The following DENND4C variants were observed in gnomAD, a reference collection of about 807,000 sequenced individuals.
The protein encoded by DENND4C is DENN domain-containing protein 4C.
Under a neutral mutation model 203.0 loss-of-function variants are expected in DENND4C, and 108 were observed. That is an observed-to-expected ratio of 0.53 (90% CI 0.46 to 0.62). The LOEUF (loss-of-function observed/expected upper bound fraction) is 0.62, where lower values mean the gene tolerates loss of function less well. Among genes scored for constraint, DENND4C ranks in the 20% least tolerant of loss-of-function variants. The pLI is 0.00. For synonymous variants in DENND4C, 871 were observed against 792.4 expected (o/e 1.10, Z -1.67); for missense variants, 2,481 against 2,301.2 (o/e 1.08, Z -1.60).
At chr9:19,255,013 G>C (rs57247813) in intron 1 of DENND4C, among the ~76,000 whole-genome samples, 1 of 151,884 alleles carries the variant, frequency 6.6e-6, no homozygotes, top group Admixed American at 6.6e-5. Context: ...GTGGAGGGGG[G>C]GCCGCCTGTA....
In DENND4C at chr9:19,321,469, GT is replaced by G. The variant is rs564732221; in HGVS notation, c.1808-2882del. Among the ~76,000 whole-genome samples the G allele has an allele frequency of 1.5e-3, 222 of 145,356 alleles. 1 individual carries two copies. The highest frequency in any genetic ancestry group is 4.9e-3 in the African/African-American group (193 of 39,770). ...AAAAAAGGGAAGGAGCAGATCGAAG[GT>G]TTTTTTTTTTGTTTTGTTTTGTTTT... On this transcript the variant is annotated intron_variant, in intron 12 of 32. Coordinates refer to ENST00000434457, the MANE Select transcript of DENND4C (RefSeq NM_001330640.2).
intron 10 of DENND4C, among the ~76,000 whole-genome samples, chr9:19,308,842 T>G (rs1007286874): frequency 1.3e-5 from 2 of 152,244 alleles, no homozygotes; most frequent in Non-Finnish European, 2.9e-5. Context: ...TTTCTACATT[T>G]GTATAAATAT....
At chr9:19,336,547 T>G in intron 19 of DENND4C, 133 bp downstream of exon 19, 1 of 1,432,842 alleles carries the variant, frequency 7.0e-7, no homozygotes, top group Non-Finnish European at 9.2e-7. Flanking sequence ...ACAGATTGTC[T>G]TAGTCCAAAA....
intron 1 of DENND4C, among the ~76,000 whole-genome samples, chr9:19,249,857 TTTG>T (rs1826131445): frequency 6.6e-6 from 1 of 151,592 alleles, no homozygotes; most frequent in Admixed American, 6.6e-5. Flanking sequence ...TAGGTCTCAC[TTTG>T]TTGCCCAGGC....
At position 19,313,296 on chromosome 9, in the gene DENND4C, A is replaced by AT. The variant is rs142201293; in HGVS notation, c.1488-3117dup. On this transcript the variant is annotated intron_variant, in intron 10 of 32. Transcript: ENST00000434457. Reference sequence around the variant, plus strand: ...ACTCTAATTGGTACAAAAACAATGAATTTTACAATTGATGGCCCCTTAGAT... The same window carrying AT: ...ACTCTAATTGGTACAAAAACAATGAATTTTTACAATTGATGGCCCCTTAGAT... Among the ~76,000 whole-genome samples the AT allele has an allele frequency of 7.9e-3, 1,205 of 152,276 alleles. 11 individuals are homozygous for AT. The highest frequency in any genetic ancestry group is 0.025 in the African/African-American group (1,049 of 41,558).
chr9:19,312,128 G>A (rs979814854), intron 10 of DENND4C, among the ~76,000 whole-genome samples: 2 of 152,162 alleles, frequency 1.3e-5, no homozygotes, highest in Non-Finnish European at 2.9e-5. Flanking sequence ...TTTTGAGACA[G>A]AGTCTTGCTC....
Position 19,352,158 on chromosome 9 carries a change from C to T in DENND4C, c.4581C>T (p.Ser1527=). 3 of 1,613,804 alleles carry T rather than the reference C, an allele frequency of 1.9e-6. No homozygotes were observed. Among genetic ancestry groups the T allele is most frequent in the South Asian group, 1.1e-5 (1 of 91,072 alleles). ...HGSSQNTSMS[S]IYQNCAMEVL... ...CTTCTCAAAATACCAGCATGTCTAG[C>T]ATCTATCAGAATTGTGCAATGGAGG... Residue 1527 remains serine (S), a synonymous_variant, in exon 25 of 33, where the codon AGC becomes AGT. Coordinates refer to ENST00000434457, the MANE Select transcript of DENND4C (RefSeq NM_001330640.2).
intron 1 of DENND4C, among the ~76,000 whole-genome samples, chr9:19,246,752 T>C (rs1413133261): frequency 6.6e-6 from 1 of 152,188 alleles, no homozygotes; most frequent in Non-Finnish European, 1.5e-5. Flanking sequence ...ATTTTTATTT[T>C]ATCTAGACCT....
At chr9:19,231,702 C>G (rs1820608879) in intron 1 of DENND4C, among the ~76,000 whole-genome samples, 1 of 151,880 alleles carries the variant, frequency 6.6e-6, no homozygotes, top group Non-Finnish European at 1.5e-5. Context: ...GTAGTTACCG[C>G]GGGTACTTGT....
In DENND4C at chr9:19,339,682, A is replaced by G. The variant is rs1419923170; in HGVS notation, c.2882-1310A>G. ...ATTTTTGAAAGAACACTCTGAGACA[A>G]TGTGCTAATATCCTTTCTCATGACA... On this transcript the variant is annotated intron_variant, in intron 20 of 32. Transcript: ENST00000434457. 2.0e-5 allele frequency among the ~76,000 whole-genome samples: 3 copies of G among 152,280 alleles called. No homozygotes were observed. In the East Asian group the frequency reaches 5.8e-4, roughly 29 times the overall value.
intron 2 of DENND4C, among the ~76,000 whole-genome samples, chr9:19,281,307 T>C (rs1237466537): frequency 2.0e-5 from 3 of 152,178 alleles, no homozygotes; most frequent in African/African-American, 7.2e-5. Flanking sequence ...CTTAAGCTAA[T>C]CATGATGGTT....
At position 19,352,459 on chromosome 9, in the gene DENND4C, G is replaced by A. The variant is rs769442672; in HGVS notation, c.4606-31G>A. The A allele has an allele frequency of 1.3e-5, 20 of 1,520,952 alleles. No homozygotes were observed. The East Asian group carries it at 3.4e-4, about 26-fold the overall frequency. The allele number at this position is 1,520,952 out of a possible 1,614,324, so 94.2% of individuals were successfully genotyped here. ...CTGTTAAGATTAATTTTTATTAAAC[G>A]TTCTCAGTGTCTGCATTTTTCTGTT... is the stretch of plus-strand genomic sequence containing the variant. On this transcript the variant is annotated intron_variant, in intron 25 of 32. Transcript: ENST00000434457.
At position 19,372,143 on chromosome 9, in the gene DENND4C, C is replaced by T. The variant is rs1270983214; in HGVS notation, c.5847C>T (p.Cys1949=). Reference sequence around the variant, plus strand: ...CACCAAGTGCCAGTGTCGAGTGGTGCAGGAAGTGTTTTGGAGCGCCTCTCA... The same window carrying T: ...CACCAAGTGCCAGTGTCGAGTGGTGTAGGAAGTGTTTTGGAGCGCCTCTCA... ...DAPPSASVEW[C]RKCFGAPLI The change falls in exon 33 of 33, where the codon TGC becomes TGT. Residue 1949 remains cysteine (C), a synonymous_variant. Transcript: ENST00000434457. The T allele has an allele frequency of 1.9e-6, 3 of 1,613,288 alleles. No homozygotes were observed. Among genetic ancestry groups the T allele is most frequent in the African/African-American group, 2.7e-5 (2 of 74,894 alleles).
chr9:19,309,718 T>C (rs1840373802), intron 10 of DENND4C, among the ~76,000 whole-genome samples: 1 of 152,100 alleles, frequency 6.6e-6, no homozygotes, highest in African/African-American at 2.4e-5. Context: ...GGATTTTTGT[T>C]AGAATTTTTT....
At chr9:19,314,483 G>A (rs967889127) in intron 10 of DENND4C, among the ~76,000 whole-genome samples, 3 of 151,832 alleles carry the variant, frequency 2.0e-5, no homozygotes, top group African/African-American at 7.3e-5. Flanking sequence ...TTGGGTGATG[G>A]GTGCACCTAA....
Position 19,372,252 on chromosome 9 carries a change from A to T in DENND4C, c.*79A>T, listed in dbSNP as rs903752741. ...GGAAACATTCAAGTTTTTTTTTCCA[A>T]ATCGTAAGAACTGGTGAATACGGAA... is the stretch of plus-strand genomic sequence containing the variant. On this transcript the variant is annotated 3_prime_UTR_variant, in exon 33 of 33. Coordinates refer to ENST00000434457, the MANE Select transcript of DENND4C (RefSeq NM_001330640.2). The T allele has an allele frequency of 1.1e-5, 17 of 1,528,014 alleles. No individual in the cohort carries two copies. In the African/African-American group the frequency reaches 2.2e-4, roughly 20 times the overall value. The allele number at this position is 1,528,014 out of a possible 1,614,324, so 94.7% of individuals were successfully genotyped here. A position where few individuals can be genotyped will look rare whatever the true frequency, so the allele number is the denominator to read the frequency against.
chr9:19,294,670 A>G (rs1337752365), intron 5 of DENND4C, among the ~76,000 whole-genome samples: 3 of 152,234 alleles, frequency 2.0e-5, no homozygotes, highest in African/African-American at 7.2e-5. Context: ...TACACAAAAT[A>G]TGGTATATAT....
intron 10 of DENND4C, among the ~76,000 whole-genome samples, chr9:19,314,874 G>T (rs951683806): frequency 6.6e-6 from 1 of 151,996 alleles, no homozygotes; most frequent in Non-Finnish European, 1.5e-5. Context: ...GTTAAAAAAA[G>T]AATCAGGCTG....
chr9:19,230,854 C>T (rs915326294), intron 1 of DENND4C, 21 bp downstream of exon 1: 1 of 152,694 alleles, frequency 6.5e-6, no homozygotes, highest in Non-Finnish European at 1.5e-5. Context: ...GGCGCGGGGC[C>T]TTTGGCGGAG....
Sources: gnomAD v4.1 joint callset for allele counts (sites outside exome capture counted in the v4.1 genomes callset) on GRCh38, gnomAD v4.1.1 for gene constraint, MANE v1.5 for transcripts, NCBI Gene and HGNC (gene_info 2026-07-23, HGNC 2026-07-21) for gene names.